PIK3CB: variants seen among roughly 807,000 people sequenced by gnomAD.
PIK3CB encodes phosphatidylinositol 4,5-bisphosphate 3-kinase catalytic subunit beta isoform.
A neutral mutation model predicts 136.8 loss-of-function variants in PIK3CB; 39 were observed. The ratio of observed to expected loss-of-function variants is 0.29; its 90% confidence interval spans 0.22 to 0.37. The LOEUF (loss-of-function observed/expected upper bound fraction) is 0.37. Among genes scored for constraint, PIK3CB ranks in the 10% least tolerant of loss-of-function variants. PIK3CB has a pLI of 1.00. For missense variants in PIK3CB, 868 were observed against 1,275.4 expected, an observed-to-expected ratio of 0.68 and a Z score of 4.87; for synonymous variants, 428 against 436.6, an observed-to-expected ratio of 0.98 and a Z score of 0.25.
chr3:138,667,410 CA>C (rs1210943308), intron 19 of PIK3CB, among the ~76,000 whole-genome samples: 8 of 151,762 alleles, frequency 5.3e-5, no homozygotes, highest in Non-Finnish European at 7.4e-5. Context: ...TTATGAGCGA[CA>C]AAGAGAGGCT....
chr3:138,713,252 A>G (rs1168594163), intron 9 of PIK3CB, among the ~76,000 whole-genome samples: 1 of 151,842 alleles, frequency 6.6e-6, no homozygotes, highest in Non-Finnish European at 1.5e-5. Context: ...TCCTCAAGCA[A>G]TTCTCCCACC....
At chr3:138,772,722 C>T (rs1421973749) in intron 2 of PIK3CB, among the ~76,000 whole-genome samples, 2 of 151,232 alleles carry the variant, frequency 1.3e-5, no homozygotes, top group Non-Finnish European at 2.9e-5. Context: ...AATCCTCCTA[C>T]CTCGGTCTCT....
In PIK3CB at chr3:138,655,348, G is replaced by A. The variant is rs1278537008; in HGVS notation, c.*41C>T. The stretch of plus-strand genomic sequence containing the variant: ...TTTAGTGCAAGTGCAAAATGAAAAT[G>A]AAATGAAACCAACAAATACATTAGG... On this transcript the variant is annotated 3_prime_UTR_variant, in exon 24 of 24. Transcript: ENST00000674063. 1 of 1,601,686 alleles carries A rather than the reference G, an allele frequency of 6.2e-7. No homozygotes were observed. Among genetic ancestry groups the A allele is most frequent in the Admixed American group, 1.7e-5 (1 of 59,126 alleles).
At chr3:138,670,933 C>T (rs1051106325) in intron 19 of PIK3CB, among the ~76,000 whole-genome samples, 2 of 151,924 alleles carry the variant, frequency 1.3e-5, no homozygotes, top group African/African-American at 4.8e-5. Flanking sequence ...TTGGAAAAAC[C>T]TAAAAATAAA....
Position 138,682,104 on chromosome 3 carries a change from T to C in PIK3CB, c.2426-59A>G, listed in dbSNP as rs184251507. ...TTTTCCTTTTATGCCCTGTAACTCA[T>C]TAATTCAAGACTAACTCAGAATTAA... On this transcript the variant is annotated intron_variant, in intron 18 of 23. Transcript: ENST00000674063. 5 of 985,256 alleles carry C rather than the reference T, an allele frequency of 5.1e-6. No individual in the cohort carries two copies. In the East Asian group the frequency reaches 7.3e-5, roughly 14 times the overall value. The allele number at this position is 985,256 out of a possible 1,614,324, so 61.0% of individuals were successfully genotyped here. A position where few individuals can be genotyped will look rare whatever the true frequency, so the allele number is the denominator to read the frequency against.
intron 2 of PIK3CB, among the ~76,000 whole-genome samples, chr3:138,775,276 T>A (rs2045844874): frequency 1.3e-5 from 2 of 152,086 alleles, no homozygotes; most frequent in South Asian, 4.1e-4. Context: ...AGGGACAAAG[T>A]GGGAAAACAA....
Position 138,805,277 on chromosome 3 carries a change from G to C in PIK3CB, c.-121-8710C>G, listed in dbSNP as rs574321720. On this transcript the variant is annotated intron_variant, in intron 1 of 23. Coordinates refer to ENST00000674063, the MANE Select transcript of PIK3CB (RefSeq NM_006219.3). ...GAACCCGGGAGGCGGAGGTTGCAGA[G>C]AGCCGAGATCGTGACACTGCACTCC... Among the ~76,000 whole-genome samples, 314 of 151,890 alleles carry C rather than the reference G, an allele frequency of 2.1e-3. 1 individual carries two copies. The highest frequency in any genetic ancestry group is 3.9e-3 in the South Asian group (19 of 4,812).
intron 19 of PIK3CB, among the ~76,000 whole-genome samples, chr3:138,680,178 C>T (rs1257376756): frequency 6.6e-6 from 1 of 151,616 alleles, no homozygotes; most frequent in South Asian, 2.1e-4. Context: ...ACAAACATGG[C>T]GAAATCCCAT....
At chr3:138,790,364 G>A (rs1267024827) in intron 2 of PIK3CB, among the ~76,000 whole-genome samples, 1 of 151,412 alleles carries the variant, frequency 6.6e-6, no homozygotes, top group Non-Finnish European at 1.5e-5. Context: ...TATAATCCTA[G>A]CATTTTGTGA....
intron 8 of PIK3CB, among the ~76,000 whole-genome samples, chr3:138,715,040 G>GT (rs2108585594): frequency 6.6e-6 from 1 of 152,232 alleles, no homozygotes; most frequent in African/African-American, 2.4e-5. Context: ...TAAAGAAACC[G>GT]TGACAGTAAG....
intron 1 of PIK3CB, among the ~76,000 whole-genome samples, chr3:138,820,176 A>G (rs886088984): frequency 6.6e-6 from 1 of 152,174 alleles, no homozygotes; most frequent in African/African-American, 2.4e-5. Flanking sequence ...TGGCCTTTGC[A>G]CACTAAATGC....
intron 7 of PIK3CB, among the ~76,000 whole-genome samples, 168 bp from the exon 8 acceptor site, chr3:138,733,606 C>T (rs538069277): frequency 5.9e-5 from 9 of 152,214 alleles, no homozygotes; most frequent in Non-Finnish European, 1.0e-4. Context: ...TGACCGGGCG[C>T]GGTGGCTCAC....
chr3:138,738,851 C>T (rs1045772072), intron 5 of PIK3CB, among the ~76,000 whole-genome samples: 1 of 152,182 alleles, frequency 6.6e-6, no homozygotes, highest in Non-Finnish European at 1.5e-5. Flanking sequence ...GACATCAATT[C>T]CATAATATTT....
At chr3:138,730,835 G>A (rs1161974113) in intron 8 of PIK3CB, among the ~76,000 whole-genome samples, 4 of 152,130 alleles carry the variant, frequency 2.6e-5, no homozygotes, top group African/African-American at 4.8e-5. Flanking sequence ...GGGAGGCTGA[G>A]GTAGGAGGAT....
intron 22 of PIK3CB, 100 bp downstream of exon 22, chr3:138,657,590 C>T: frequency 9.5e-7 from 1 of 1,051,898 alleles, no homozygotes; most frequent in Non-Finnish European, 1.4e-6. Context: ...GACTGAATAT[C>T]TCCCAGATCC....
chr3:138,796,806 T>G (rs1010119090), intron 1 of PIK3CB: 2 of 152,074 alleles, frequency 1.3e-5, no homozygotes, highest in Non-Finnish European at 2.9e-5. Flanking sequence ...ACAACATAAT[T>G]TGCAGAGCAC....
At chr3:138,685,396 C>CAAAAAAAAAAAAAAAAAAA (rs398052626) in intron 16 of PIK3CB, among the ~76,000 whole-genome samples, 16 of 58,350 alleles carry the variant, frequency 2.7e-4, no homozygotes, top group African/African-American at 1.3e-3. Context: ...GAAACTGTCT[C>CAAAAAAAAAAAAAAAAAAA]AAAAAAAAAA....
chr3:138,691,037 T>C lies in PIK3CB; in HGVS notation c.1999A>G (p.Asn667Asp). The change falls in exon 15 of 24, where the codon AAT becomes GAT. Residue 667 changes from asparagine (N) to aspartate (D), a missense_variant. Around this residue, in one of 4 missense-constraint regions of PIK3CB, gnomAD observed 612 missense variants for 801.1 expected, o/e 0.76. Transcript: ENST00000674063. ...SRFLLERALG[N>D]RRIGQFLFWH... ...AATAGAAACTGCCCTATCCTCCGAT[T>C]ACCAAGTGCTCTTTCTAATAGGAAT... 1 of 1,613,366 alleles carries C rather than the reference T, an allele frequency of 6.2e-7. No individual in the cohort carries two copies. Among genetic ancestry groups the C allele is most frequent in the Non-Finnish European group, 8.5e-7 (1 of 1,179,462 alleles).
intron 3 of PIK3CB, among the ~76,000 whole-genome samples, chr3:138,757,483 AC>A (rs2045591608): frequency 1.7e-5 from 1 of 59,608 alleles, no homozygotes; most frequent in East Asian, 6.6e-4. Context: ...TATTAAACAC[AC>A]ACACACACAC....
Sources: allele counts gnomAD v4.1 joint callset (sites outside exome capture counted in the v4.1 genomes callset), GRCh38; gene constraint gnomAD v4.1.1; regional missense constraint gnomAD v4.1.1; transcripts MANE v1.5; gene names NCBI Gene and HGNC (gene_info 2026-07-23, HGNC 2026-07-21).